The following XPO7 variants were observed in gnomAD, a reference collection of about 807,000 sequenced individuals.
XPO7 encodes exportin 7, also known as exportin-7.
In XPO7, 21 loss-of-function variants were observed where a neutral mutation model predicts 144.3. The observed-to-expected ratio is 0.15, with a 90% CI of 0.10 to 0.21. The LOEUF (loss-of-function observed/expected upper bound fraction) is 0.21, where lower values mean the gene tolerates loss of function less well. XPO7 is among the 10% of genes least tolerant of loss of function. The pLI, the probability that XPO7 is intolerant of heterozygous loss-of-function variation, is 1.00. For synonymous variants in XPO7, 580 were observed against 499.6 expected (o/e 1.16, Z -2.15); for missense variants, 808 against 1,325.8 (o/e 0.61, Z 6.06).
chr8:21,979,300 C>T (rs1812325861), intron 8 of XPO7, among the ~76,000 whole-genome samples: 2 of 152,232 alleles, frequency 1.3e-5, no homozygotes, highest in Middle Eastern at 3.4e-3. Flanking sequence ...CTGTTTCAGC[C>T]TCCCAAAGTG....
At chr8:21,954,350 T>C (rs1811466931) in intron 1 of XPO7, among the ~76,000 whole-genome samples, 3 of 152,062 alleles carry the variant, frequency 2.0e-5, no homozygotes, top group Admixed American at 1.3e-4. Context: ...AAATAATAAA[T>C]GTGGGCTGCG....
chr8:21,999,536 G>A lies in XPO7; in HGVS notation c.2644G>A (p.Asp882Asn). 6.2e-7 allele frequency: 1 copy of A among 1,613,876 alleles called. No individual in the cohort carries two copies. Among genetic ancestry groups the A allele is most frequent in the Admixed American group, 1.7e-5 (1 of 60,006 alleles). ...TTTTCTTCCTCTTCCTCTCCCACAG[G>A]ATTACCCCAAGCTCAGCCAGTCTTA... ...LLSIPHSDLLDYPKLSQSYYS... is the reference protein window; with the variant it reads ...LLSIPHSDLLNYPKLSQSYYS... The change falls in exon 24 of 28, where the codon GAT (aspartate) becomes AAT (asparagine). Residue 882 changes from aspartate (D) to asparagine (N), a missense_variant and splice_region_variant. This residue lies in a region of XPO7 where 416 missense variants were observed against 612.5 expected (regional missense o/e 0.68). Coordinates refer to ENST00000252512, the MANE Select transcript of XPO7 (RefSeq NM_015024.5).
chr8:21,943,262 T>C (rs897341269), intron 1 of XPO7, among the ~76,000 whole-genome samples: 1 of 152,192 alleles, frequency 6.6e-6, no homozygotes, highest in Admixed American at 6.5e-5. Flanking sequence ...TTTTAAGGAA[T>C]TGGCACACAA....
intron 7 of XPO7, 52 bp from the exon 8 acceptor site, chr8:21,977,718 C>T (rs1450713128): frequency 3.9e-6 from 6 of 1,537,142 alleles, no homozygotes; most frequent in Non-Finnish European, 4.5e-6. Flanking sequence ...AGTATGCCAG[C>T]GGCAATGTTC....
intron 19 of XPO7, among the ~76,000 whole-genome samples, chr8:21,993,915 GTCTCTC>G (rs146886015): frequency 2.1e-4 from 30 of 141,036 alleles, no homozygotes; most frequent in African/African-American, 6.6e-4. Flanking sequence ...TCTTTGCCGT[GTCTCTC>G]TCTCTCTCTC....
chr8:21,944,693 G>A (rs878982782), intron 1 of XPO7, among the ~76,000 whole-genome samples: 1 of 152,138 alleles, frequency 6.6e-6, no homozygotes, highest in Non-Finnish European at 1.5e-5. Flanking sequence ...ATAATGGAAG[G>A]AAGGTCAGCA....
At chr8:21,926,603 C>A (rs146537886) in intron 1 of XPO7, among the ~76,000 whole-genome samples, 3 of 146,792 alleles carry the variant, frequency 2.0e-5, no homozygotes, top group African/African-American at 7.3e-5. Flanking sequence ...AACTTCAGTG[C>A]TTTACTTCTG....
intron 21 of XPO7, 143 bp from the exon 22 acceptor site, chr8:21,998,612 T>G (rs1813032591): frequency 1.7e-6 from 1 of 605,568 alleles, no homozygotes; most frequent in African/African-American, 1.9e-5. Context: ...ATCTATAACT[T>G]GGTTATTCTC....
At chr8:21,990,152 A>G (rs561200867) in intron 16 of XPO7, among the ~76,000 whole-genome samples, 192 bp from the exon 17 acceptor site, 6 of 152,094 alleles carry the variant, frequency 3.9e-5, no homozygotes, top group African/African-American at 1.4e-4. Flanking sequence ...CCCGGCCAGT[A>G]TAGGTGTTTT....
chr8:21,920,268 C>T (rs578152169), intron 1 of XPO7, among the ~76,000 whole-genome samples: 2 of 152,268 alleles, frequency 1.3e-5, no homozygotes, highest in African/African-American at 4.8e-5. Flanking sequence ...CCGCCGCCTT[C>T]CTCTCACGCC....
chr8:21,926,620 A>C (rs1292035664), intron 1 of XPO7, among the ~76,000 whole-genome samples: 3 of 130,354 alleles, frequency 2.3e-5, no homozygotes, highest in African/African-American at 7.3e-5. Context: ...TCTGTCTTCC[A>C]AAAAGACGTT....
At position 21,976,395 on chromosome 8, in the gene XPO7, C is replaced by T. The variant is rs748139126; in HGVS notation, c.637C>T (p.His213Tyr). The T allele has an allele frequency of 6.2e-7, 1 of 1,613,984 alleles. No homozygotes were observed. Among genetic ancestry groups the T allele is most frequent in the South Asian group, 1.1e-5 (1 of 91,080 alleles). The change falls in exon 7 of 28, where the codon CAT becomes TAT. Residue 213 changes from histidine to tyrosine, a missense_variant. Physicochemically the swap from His to Tyr is moderately conservative, Grantham distance 83. Coordinates refer to ENST00000252512, the MANE Select transcript of XPO7 (RefSeq NM_015024.5). ...TCTAAACTTGAATGATGAAAGTCAG[C>T]ATGGCTTGCTCATGCAACTGCTCAA... ...KNLNLNDESQHGLLMQLLKLT... is the reference protein window; with the variant it reads ...KNLNLNDESQYGLLMQLLKLT...
intron 1 of XPO7, among the ~76,000 whole-genome samples, chr8:21,929,797 G>C (rs1285866445): frequency 6.6e-6 from 1 of 151,624 alleles, no homozygotes; most frequent in East Asian, 1.9e-4. Flanking sequence ...AAACTGTTTT[G>C]TGTGACTGCG....
intron 1 of XPO7, among the ~76,000 whole-genome samples, chr8:21,945,735 A>T (rs1028841235): frequency 6.6e-6 from 1 of 152,258 alleles, no homozygotes; most frequent in African/African-American, 2.4e-5. Context: ...CAAACCAATT[A>T]TTCTGAAGTG....
chr8:21,930,787 G>T (rs1810619301), intron 1 of XPO7, among the ~76,000 whole-genome samples: 1 of 152,176 alleles, frequency 6.6e-6, no homozygotes, highest in Non-Finnish European at 1.5e-5. Flanking sequence ...TTATCAAGTT[G>T]AATTAGAACC....
At chr8:21,992,702 C>A (rs895203166) in intron 19 of XPO7, among the ~76,000 whole-genome samples, 2 of 152,172 alleles carry the variant, frequency 1.3e-5, no homozygotes, top group African/African-American at 4.8e-5. Context: ...GCACGAGACA[C>A]GATGCCCAGT....
intron 1 of XPO7, among the ~76,000 whole-genome samples, chr8:21,932,615 A>G (rs552093299): frequency 1.3e-5 from 2 of 152,058 alleles, no homozygotes; most frequent in Admixed American, 6.5e-5. Flanking sequence ...AAGGAGGGCC[A>G]AAAAGCTTTC....
chr8:21,923,378 A>G (rs143612627), intron 1 of XPO7, among the ~76,000 whole-genome samples: 85 of 152,330 alleles, frequency 5.6e-4, no homozygotes, highest in Non-Finnish European at 8.8e-4. Context: ...AGCAATAACT[A>G]TATCCCATCA....
intron 14 of XPO7, 53 bp from the exon 15 acceptor site, chr8:21,987,731 G>A: frequency 6.3e-7 from 1 of 1,594,622 alleles, no homozygotes; most frequent in Non-Finnish European, 8.6e-7. Flanking sequence ...ATAGTACCAG[G>A]ATGTGATTGT....
Sources: gnomAD v4.1 joint callset for allele counts (sites outside exome capture counted in the v4.1 genomes callset) on GRCh38, gnomAD v4.1.1 for gene constraint, gnomAD v4.1.1 regional missense constraint, MANE v1.5 for transcripts, NCBI Gene and HGNC (gene_info 2026-07-23, HGNC 2026-07-21) for gene names.